The following ERMP1 variants were observed in gnomAD, a reference collection of about 807,000 sequenced individuals.
ERMP1 encodes Felix-ina.
A neutral mutation model predicts 92.0 loss-of-function variants in ERMP1; 86 were observed. The ratio of observed to expected loss-of-function variants is 0.93; its 90% CI spans 0.79 to 1.12. ERMP1 has a LOEUF of 1.12. ERMP1 is among the 50% of genes most tolerant of loss of function. The pLI, the probability that ERMP1 is intolerant of heterozygous loss-of-function variation, is 0.00. For synonymous variants in ERMP1, 530 were observed against 412.8 expected, an observed-to-expected ratio of 1.28 and a Z score of -3.44; for missense variants, 1,342 against 1,116.3, an observed-to-expected ratio of 1.20 and a Z score of -2.88.
At chr9:5,845,355 G>T (rs1830222655) in intron 6 of ERMP1, among the ~76,000 whole-genome samples, 1 of 151,980 alleles carries the variant, frequency 6.6e-6, no homozygotes, top group Non-Finnish European at 1.5e-5. Flanking sequence ...TTGAAACCAG[G>T]AGTTCAAGAC....
In ERMP1 at chr9:5,787,082, T is replaced by C. The variant is rs1046977165; in HGVS notation, c.*62A>G. On this transcript the variant is annotated 3_prime_UTR_variant, in exon 15 of 15. Coordinates refer to ENST00000339450, the MANE Select transcript of ERMP1 (RefSeq NM_024896.3). ...TTACGTTACAAACATCCACGTAACATAGGGAGAAACCATGTCACATGGAGT... is the reference window on the plus strand; with the variant it reads ...TTACGTTACAAACATCCACGTAACACAGGGAGAAACCATGTCACATGGAGT... 9 of 1,463,240 alleles carry C rather than the reference T, an allele frequency of 6.2e-6. No homozygotes were observed. The East Asian group carries it at 6.8e-5, about 11-fold the overall frequency. The allele number at this position is 1,463,240 out of a possible 1,614,324, so 90.6% of individuals were successfully genotyped here.
At chr9:5,845,235 C>A (rs1350640482) in intron 6 of ERMP1, among the ~76,000 whole-genome samples, 2 of 151,412 alleles carry the variant, frequency 1.3e-5, no homozygotes, top group Non-Finnish European at 2.9e-5. Flanking sequence ...ACCTGTGACT[C>A]TGAGAGGATT....
intron 6 of ERMP1, among the ~76,000 whole-genome samples, chr9:5,852,251 T>TG (rs1351277778): frequency 8.5e-6 from 1 of 117,918 alleles, no homozygotes; most frequent in East Asian, 4.5e-4. Flanking sequence ...AGCAGCAGAG[T>TG]GTTTTTTTTT....
At chr9:5,809,107 C>T (rs925286562) in intron 8 of ERMP1, among the ~76,000 whole-genome samples, 8 of 152,152 alleles carry the variant, frequency 5.3e-5, no homozygotes, top group East Asian at 3.9e-4. Flanking sequence ...CTGCAGGCTC[C>T]GCCTCCCGGG....
intron 5 of ERMP1, among the ~76,000 whole-genome samples, chr9:5,863,074 A>G (rs1586851183): frequency 6.6e-6 from 1 of 152,150 alleles, no homozygotes; most frequent in Non-Finnish European, 1.5e-5. Context: ...CAATGGAAAT[A>G]CCCCTAGTAT....
intron 4 of ERMP1, among the ~76,000 whole-genome samples, chr9:5,822,951 T>TAAGTTGATATCCTTAGAA (rs1484184391): frequency 6.6e-6 from 1 of 152,214 alleles, no homozygotes; most frequent in Non-Finnish European, 1.5e-5. Flanking sequence ...ATAAATAGGC[T>TAAGTTGATATCCTTAGAA]AAGTTGATAT....
chr9:5,795,022 A>G (rs1828357146), intron 13 of ERMP1, among the ~76,000 whole-genome samples: 1 of 152,194 alleles, frequency 6.6e-6, no homozygotes, highest in Admixed American at 6.5e-5. Context: ...AATCAAATCA[A>G]CGATGCATAA....
At chr9:5,810,362 C>A in intron 7 of ERMP1, 131 bp from the exon 8 acceptor site, 2 of 638,648 alleles carry the variant, frequency 3.1e-6, no homozygotes, top group Non-Finnish European at 5.4e-6. Flanking sequence ...ATGAAAATGT[C>A]CTAGTGTTGA....
chr9:5,817,807 A>G (rs1298355737), intron 4 of ERMP1, among the ~76,000 whole-genome samples: 1 of 151,886 alleles, frequency 6.6e-6, no homozygotes, highest in Non-Finnish European at 1.5e-5. Flanking sequence ...GCATCCTTCC[A>G]CTGCTTTACT....
At chr9:5,825,044 T>G in intron 3 of ERMP1, 48 bp downstream of exon 3, 1 of 1,571,016 alleles carries the variant, frequency 6.4e-7, no homozygotes, top group Non-Finnish European at 8.7e-7. Flanking sequence ...CTATTATTAT[T>G]AATCTCATCC....
chr9:5,824,185 A>G (rs572304708), intron 3 of ERMP1, among the ~76,000 whole-genome samples, 184 bp from the exon 4 acceptor site: 15 of 152,380 alleles, frequency 9.8e-5, no homozygotes, highest in Admixed American at 4.6e-4. Flanking sequence ...GGCCATGCAC[A>G]TCAGGTTCGG....
chr9:5,840,228 T>C (rs1276214335), intron 6 of ERMP1, among the ~76,000 whole-genome samples: 3 of 149,900 alleles, frequency 2.0e-5, no homozygotes, highest in Admixed American at 6.6e-5. Flanking sequence ...GGTGACAGAG[T>C]GAGACTTCGT....
chr9:5,841,323 T>C (rs899803067), intron 6 of ERMP1, among the ~76,000 whole-genome samples: 1 of 152,220 alleles, frequency 6.6e-6, no homozygotes, highest in Admixed American at 6.5e-5. Flanking sequence ...TTGAAAACAT[T>C]GTGCTAAGTG....
intron 2 of ERMP1, among the ~76,000 whole-genome samples, chr9:5,825,438 T>A (rs940419526): frequency 1.3e-5 from 2 of 152,182 alleles, no homozygotes; most frequent in Non-Finnish European, 2.9e-5. Context: ...TCTCAATGCC[T>A]ACTACCATGC....
At chr9:5,861,283 T>C (rs1043817606) in intron 5 of ERMP1, among the ~76,000 whole-genome samples, 6 of 151,628 alleles carry the variant, frequency 4.0e-5, no homozygotes, top group Non-Finnish European at 8.8e-5. Context: ...CTCAAAGTAT[T>C]ATCCCAGGAT....
intron 6 of ERMP1, among the ~76,000 whole-genome samples, chr9:5,849,792 TG>T (rs994274854): frequency 2.6e-5 from 4 of 152,218 alleles, no homozygotes; most frequent in Admixed American, 2.0e-4. Context: ...GTGCTAGCAG[TG>T]GTAAGTTTAG....
chr9:5,806,251 T>C (rs1828865675), intron 8 of ERMP1, among the ~76,000 whole-genome samples: 1 of 152,160 alleles, frequency 6.6e-6, no homozygotes, highest in African/African-American at 2.4e-5. Flanking sequence ...ATCTGGAGTT[T>C]GGCTTATTTT....
At position 5,794,593 on chromosome 9, in the gene ERMP1, G is replaced by A. The variant is rs917884107; in HGVS notation, c.2386+3224C>T. ...ATTATAGATCCCATGAACATTAAAA[G>A]GATAATTAAGGAATATTATAGACAA... On this transcript the variant is annotated intron_variant, in intron 13 of 14. Transcript: ENST00000339450. Among the ~76,000 whole-genome samples, 4 of 151,988 alleles carry A rather than the reference G, an allele frequency of 2.6e-5. No homozygotes were observed. In the East Asian group the frequency reaches 5.8e-4, roughly 22 times the overall value.
upstream of ERMP1, among the ~76,000 whole-genome samples, chr9:5,836,952 G>T (rs900838369): frequency 6.6e-6 from 1 of 152,112 alleles, no homozygotes; most frequent in Non-Finnish European, 1.5e-5. Context: ...TTCTGGGCTG[G>T]TCCCCTGTGT....
Sources: allele counts gnomAD v4.1 joint callset (sites outside exome capture counted in the v4.1 genomes callset), GRCh38; gene constraint gnomAD v4.1.1; transcripts MANE v1.5; gene names NCBI Gene and HGNC (gene_info 2026-07-23, HGNC 2026-07-21).